Variants in CACNG3 observed in about 807,000 individuals in gnomAD.
CACNG3 encodes calcium voltage-gated channel auxiliary subunit gamma 3.
A neutral mutation model predicts 28.5 loss-of-function variants in CACNG3; 3 were observed. That is an observed-to-expected ratio of 0.11 (90% confidence interval 0.05 to 0.27). The LOEUF (loss-of-function observed/expected upper bound fraction) is 0.27, where lower values mean the gene tolerates loss of function less well. CACNG3 is among the 10% of genes least tolerant of loss of function. The probability of loss-of-function intolerance (pLI) is 1.00; values close to 1 mark genes in which losing one functional copy is unlikely to be tolerated. For synonymous variants in CACNG3, 174 were observed against 162.2 expected (o/e 1.07, Z -0.55); for missense variants, 236 against 414.4 (o/e 0.57, Z 3.74).
intron 2 of CACNG3, among the ~76,000 whole-genome samples, chr16:24,349,987 A>C (rs1228101663): frequency 6.6e-6 from 1 of 152,222 alleles, no homozygotes; most frequent in Non-Finnish European, 1.5e-5. Context: ...CTACACTTGA[A>C]CAAGCTTATG....
chr16:24,355,456 A>T (rs1391429454), intron 3 of CACNG3, among the ~76,000 whole-genome samples: 1 of 152,048 alleles, frequency 6.6e-6, no homozygotes, highest in Non-Finnish European at 1.5e-5. Context: ...GGTGGTGCAC[A>T]CCTGTGGTCC....
intron 1 of CACNG3, among the ~76,000 whole-genome samples, chr16:24,301,561 A>G (rs1899112281): frequency 6.6e-6 from 1 of 152,170 alleles, no homozygotes; most frequent in Non-Finnish European, 1.5e-5. Flanking sequence ...CAGCCTGCCC[A>G]GTGATTATAC....
At chr16:24,315,610 T>C (rs1197128551) in intron 1 of CACNG3, among the ~76,000 whole-genome samples, 5 of 141,036 alleles carry the variant, frequency 3.5e-5, no homozygotes, top group Non-Finnish European at 7.9e-5. Flanking sequence ...TTGTCTCTCT[T>C]TCTTTCTTTC....
chr16:24,294,107 G>A (rs1008458484), intron 1 of CACNG3, among the ~76,000 whole-genome samples: 2 of 152,124 alleles, frequency 1.3e-5, no homozygotes. Context: ...CACAAACCTG[G>A]CGTTGTGCAC....
intron 1 of CACNG3, among the ~76,000 whole-genome samples, chr16:24,293,601 G>A (rs370718597): frequency 4.6e-5 from 7 of 151,932 alleles, no homozygotes; most frequent in African/African-American, 1.2e-4. Flanking sequence ...AATAGAACCC[G>A]CCCTCATTTA....
intron 1 of CACNG3, among the ~76,000 whole-genome samples, chr16:24,291,266 G>T (rs1194384041): frequency 6.6e-6 from 1 of 152,160 alleles, no homozygotes; most frequent in Non-Finnish European, 1.5e-5. Context: ...TGCTGGTCTG[G>T]CTTGATCCAA....
rs200808217 is a variant in CACNG3 at position 24,351,661 on chromosome 16, C to A, written c.296-3172C>A. On this transcript the variant is annotated intron_variant, in intron 2 of 3. Transcript: ENST00000005284. ...GGGGAAGGGGAGGGGGAAAGACAGA[C>A]GAAAGAAAGAAAGAAAGAAAGAAGG... 5.5e-3 allele frequency among the ~76,000 whole-genome samples: 616 copies of A among 111,132 alleles called. 10 individuals are homozygous for A. The highest frequency in any genetic ancestry group is 0.02 in the African/African-American group (545 of 27,878). 72.9% of individuals were successfully genotyped at this position (111,132 alleles called of 152,430 possible).
chr16:24,281,448 C>T (rs192833520), intron 1 of CACNG3, among the ~76,000 whole-genome samples: 1 of 152,020 alleles, frequency 6.6e-6, no homozygotes, highest in Admixed American at 6.5e-5. Context: ...CTCAATTGAT[C>T]CTCCCCCTAC....
At chr16:24,288,763 G>A (rs557786611) in intron 1 of CACNG3, among the ~76,000 whole-genome samples, 15 of 152,182 alleles carry the variant, frequency 9.9e-5, no homozygotes, top group South Asian at 2.1e-4. Context: ...TCCCCAGCTC[G>A]TTAGAAAGCA....
chr16:24,318,482 G>A (rs541466858), intron 1 of CACNG3, among the ~76,000 whole-genome samples: 2 of 152,166 alleles, frequency 1.3e-5, no homozygotes, highest in Admixed American at 6.6e-5. Context: ...ATGAATTACC[G>A]CACCCGGCCT....
intron 1 of CACNG3, among the ~76,000 whole-genome samples, chr16:24,315,096 C>A (rs1016398058): frequency 1.1e-4 from 17 of 152,170 alleles, no homozygotes; most frequent in Non-Finnish European, 2.5e-4. Context: ...GGTGCTGCCA[C>A]TTCCCTGACA....
chr16:24,257,611 C>A (rs1262844546), intron 1 of CACNG3, among the ~76,000 whole-genome samples: 1 of 152,112 alleles, frequency 6.6e-6, no homozygotes, highest in Admixed American at 6.5e-5. Flanking sequence ...AGAAAAAATC[C>A]TTATTGATAC....
intron 1 of CACNG3, among the ~76,000 whole-genome samples, chr16:24,276,669 G>C (rs1477710831): frequency 6.6e-6 from 1 of 152,202 alleles, no homozygotes. Context: ...GATGGAAGAG[G>C]CAACATGAGA....
intron 1 of CACNG3, among the ~76,000 whole-genome samples, chr16:24,283,093 C>T (rs1471777370): frequency 6.6e-6 from 1 of 152,006 alleles, no homozygotes; most frequent in African/African-American, 2.4e-5. Context: ...TGGTCTCGAT[C>T]GCCTAACCTT....
chr16:24,305,884 TG>T (rs1899179285), intron 1 of CACNG3, among the ~76,000 whole-genome samples: 1 of 152,136 alleles, frequency 6.6e-6, no homozygotes, highest in Non-Finnish European at 1.5e-5. Flanking sequence ...TTACCCAAGG[TG>T]GGGTCTGGAA....
chr16:24,284,695 G>A (rs1898870790), intron 1 of CACNG3, among the ~76,000 whole-genome samples: 1 of 152,040 alleles, frequency 6.6e-6, no homozygotes, highest in South Asian at 2.1e-4. Flanking sequence ...ATGCCATTAT[G>A]AGCAATACAT....
At chr16:24,322,928 A>C (rs1899484668) in intron 1 of CACNG3, among the ~76,000 whole-genome samples, 1 of 152,138 alleles carries the variant, frequency 6.6e-6, no homozygotes, top group Non-Finnish European at 1.5e-5. Context: ...TTTTCGCCTT[A>C]CAAAAATGAG....
chr16:24,362,314 G>A lies in CACNG3; in HGVS notation c.*451G>A, dbSNP rs891845484. The A allele has an allele frequency of 4.4e-5, 7 of 158,044 alleles. No individual in the cohort carries two copies. The highest frequency in any genetic ancestry group is 1.9e-4 in the East Asian group (1 of 5,356). 9.8% of individuals were successfully genotyped at this position (158,044 alleles called of 1,614,324 possible). ...CTGAGGGAGGCATTCACCTTTATGT[G>A]TTAGAAAAACATGACCAGAAATCAA... On this transcript the variant is annotated 3_prime_UTR_variant, in exon 4 of 4. Transcript: ENST00000005284.
intron 3 of CACNG3, among the ~76,000 whole-genome samples, chr16:24,360,917 C>CT (rs374733778): frequency 2.6e-4 from 40 of 152,252 alleles, no homozygotes; most frequent in African/African-American, 9.1e-4. Context: ...TATGTGTCTC[C>CT]TTAGCACCCT....
Sources: allele counts gnomAD v4.1 joint callset (sites outside exome capture counted in the v4.1 genomes callset), GRCh38; gene constraint gnomAD v4.1.1; transcripts MANE v1.5; gene names NCBI Gene and HGNC (gene_info 2026-07-23, HGNC 2026-07-21).